KHDRBS2: variants seen among roughly 807,000 people sequenced by gnomAD.
The protein encoded by KHDRBS2 is KH domain-containing, RNA-binding, signal transduction-associated protein 2.
KHDRBS2 carries 26 observed loss-of-function variants against 44.3 expected under a neutral mutation model. The observed-to-expected ratio is 0.59, with a 90% confidence interval of 0.43 to 0.81. The LOEUF is 0.81. Ranked by LOEUF, KHDRBS2 falls within the 40% of genes least tolerant of loss-of-function variation. KHDRBS2 has a pLI of 0.00. For synonymous variants in KHDRBS2, 194 were observed against 151.1 expected (o/e 1.28, Z -2.08); for missense variants, 476 against 433.1 (o/e 1.10, Z -0.88).
chr6:61,769,635 G>A (rs1025508487), intron 6 of KHDRBS2, among the ~76,000 whole-genome samples: 13 of 150,420 alleles, frequency 8.6e-5, no homozygotes, highest in Admixed American at 2.0e-4. Flanking sequence ...CTGGGGGGGC[G>A]GCGCCCGCCA....
intron 2 of KHDRBS2, among the ~76,000 whole-genome samples, chr6:62,174,082 TAA>T: frequency 6.6e-6 from 1 of 151,790 alleles, no homozygotes; most frequent in South Asian, 2.1e-4. Flanking sequence ...GAAGAATAAA[TAA>T]AAGACATGCA....
At chr6:61,937,264 G>T (rs1201811810) in intron 4 of KHDRBS2, among the ~76,000 whole-genome samples, 1 of 151,864 alleles carries the variant, frequency 6.6e-6, no homozygotes, top group African/African-American at 2.4e-5. Context: ...TTTCTGCAAA[G>T]CATCCTTTTT....
At chr6:61,606,394 G>A in the KHDRBS2 span, among the ~76,000 whole-genome samples, 1 of 152,146 alleles carries the variant, frequency 6.6e-6, no homozygotes, top group Non-Finnish European at 1.5e-5. Context: ...AACGGGCCAA[G>A]GGAAATCTTC....
chr6:61,801,494 C>T (rs1271028113), intron 6 of KHDRBS2, among the ~76,000 whole-genome samples: 1 of 152,092 alleles, frequency 6.6e-6, no homozygotes, highest in Non-Finnish European at 1.5e-5. Flanking sequence ...TATATCTCTA[C>T]TTAAACTGAT....
At chr6:62,166,241 G>A (rs1818662108) in intron 2 of KHDRBS2, among the ~76,000 whole-genome samples, 1 of 151,968 alleles carries the variant, frequency 6.6e-6, no homozygotes, top group Non-Finnish European at 1.5e-5. Flanking sequence ...TATTTGGGCT[G>A]TTTTTATCTT....
At chr6:62,266,734 C>T (rs540544460) in intron 1 of KHDRBS2, among the ~76,000 whole-genome samples, 1 of 152,076 alleles carries the variant, frequency 6.6e-6, no homozygotes, top group South Asian at 2.1e-4. Flanking sequence ...ACCTGAGATA[C>T]ATATTTACCC....
At chr6:61,886,910 T>C (rs1801038000) in intron 6 of KHDRBS2, among the ~76,000 whole-genome samples, 1 of 152,134 alleles carries the variant, frequency 6.6e-6, no homozygotes, top group Non-Finnish European at 1.5e-5. Flanking sequence ...TTCTCTGTAG[T>C]TGGAGGTCTT....
rs150691491 is a variant in KHDRBS2, at chr6:62,112,491, T to C, written c.220-64497A>G. On this transcript the variant is annotated intron_variant, in intron 2 of 8. Coordinates refer to ENST00000281156, the MANE Select transcript of KHDRBS2 (RefSeq NM_152688.4). ...AAACATTCAGGCAACACTCAATAAA[T>C]AGGGCATCTCCACTAGGATTTACAC... Among the ~76,000 whole-genome samples the C allele has an allele frequency of 1.1e-4, 17 of 152,176 alleles. No homozygotes were observed. In the East Asian group the frequency reaches 3.1e-3, roughly 28 times the overall value.
chr6:61,636,824 A>G, the KHDRBS2 span, among the ~76,000 whole-genome samples: 1 of 152,092 alleles, frequency 6.6e-6, no homozygotes, highest in African/African-American at 2.4e-5. Flanking sequence ...GTAGTAGAAT[A>G]CAAGCCTTTG....
chr6:62,254,286 C>G (rs1191083133), intron 1 of KHDRBS2, among the ~76,000 whole-genome samples: 2 of 151,948 alleles, frequency 1.3e-5, no homozygotes, highest in African/African-American at 2.4e-5. Context: ...TAAACTGTAC[C>G]CACTATTTCA....
chr6:61,552,467 G>T, the KHDRBS2 span, among the ~76,000 whole-genome samples: 1 of 152,240 alleles, frequency 6.6e-6, no homozygotes, highest in East Asian at 1.9e-4. Flanking sequence ...AACAGGGATA[G>T]TTTGACTTCC....
At chr6:61,697,432 T>C (rs1768029511) in intron 7 of KHDRBS2, among the ~76,000 whole-genome samples, 179 bp from the exon 8 acceptor site, 1 of 151,860 alleles carries the variant, frequency 6.6e-6, no homozygotes, top group Admixed American at 6.6e-5. Context: ...CAAGGAGTGC[T>C]ATGATTTTTT....
At chr6:62,264,256 G>A (rs1368581589) in intron 1 of KHDRBS2, among the ~76,000 whole-genome samples, 1 of 151,650 alleles carries the variant, frequency 6.6e-6, no homozygotes, top group Non-Finnish European at 1.5e-5. Context: ...GTTCCTTAAC[G>A]CTAGTTTTAA....
chr6:62,062,515 C>G (rs896559855), intron 2 of KHDRBS2, among the ~76,000 whole-genome samples: 9 of 151,928 alleles, frequency 5.9e-5, no homozygotes, highest in African/African-American at 2.2e-4. Flanking sequence ...GAACAACCTG[C>G]TCCTGAATGA....
chr6:61,953,691 C>CACATG (rs1311333783), intron 4 of KHDRBS2, among the ~76,000 whole-genome samples: 2 of 151,986 alleles, frequency 1.3e-5, no homozygotes, highest in Non-Finnish European at 2.9e-5. Context: ...AAATAAAAAG[C>CACATG]ACATGACCCA....
intron 4 of KHDRBS2, among the ~76,000 whole-genome samples, chr6:61,941,239 A>T (rs1273299279): frequency 6.6e-6 from 1 of 152,118 alleles, no homozygotes; most frequent in Admixed American, 6.5e-5. Context: ...ACCTACCTTC[A>T]TGTGCTACCT....
At position 61,933,293 on chromosome 6, in the gene KHDRBS2, T is replaced by C. The variant is rs150014682; in HGVS notation, c.484-31922A>G. On this transcript the variant is annotated intron_variant, in intron 4 of 8. Transcript: ENST00000281156. The stretch of plus-strand genomic sequence containing the variant: ...GCCCCTTTGTTCCAATCACCTCCCA[T>C]GAAGTCCCTCCTCCAACACTGAGGA... 1.2e-4 allele frequency among the ~76,000 whole-genome samples: 19 copies of C among 152,268 alleles called. No individual in the cohort carries two copies. The East Asian group carries it at 3.3e-3, about 26-fold the overall frequency.
At chr6:62,169,427 C>T (rs1007948512) in intron 2 of KHDRBS2, among the ~76,000 whole-genome samples, 2 of 151,804 alleles carry the variant, frequency 1.3e-5, no homozygotes, top group African/African-American at 4.8e-5. Context: ...AACTGATGTA[C>T]TAGAAGCAAG....
At chr6:62,181,691 C>T (rs991618041) in intron 1 of KHDRBS2, among the ~76,000 whole-genome samples, 1 of 151,782 alleles carries the variant, frequency 6.6e-6, no homozygotes, top group Non-Finnish European at 1.5e-5. Flanking sequence ...AAGTTTGTGC[C>T]CCCACCAAAT....
Sources: gnomAD v4.1 joint callset for allele counts (sites outside exome capture counted in the v4.1 genomes callset) on GRCh38, gnomAD v4.1.1 for gene constraint, MANE v1.5 for transcripts, NCBI Gene and HGNC (gene_info 2026-07-23, HGNC 2026-07-21) for gene names.